PBRM1: variants seen among roughly 807,000 people sequenced by gnomAD.
PBRM1 encodes the protein protein polybromo-1.
Under a neutral mutation model 194.5 loss-of-function variants are expected in PBRM1, and 27 were observed. The observed-to-expected ratio is 0.14, with a 90% CI of 0.10 to 0.19. PBRM1 has a LOEUF of 0.19. PBRM1 is among the 10% of genes least tolerant of loss of function. PBRM1 has a pLI of 1.00. For synonymous variants in PBRM1, 655 were observed against 693.2 expected (o/e 0.94, Z 0.87); for missense variants, 1,466 against 2,077.2 (o/e 0.71, Z 5.72).
chr3:52,587,153 ATAGTG>A (rs1441244366), intron 19 of PBRM1, among the ~76,000 whole-genome samples, 195 bp downstream of exon 21: 1 of 152,216 alleles, frequency 6.6e-6, no homozygotes, highest in Non-Finnish European at 1.5e-5. Flanking sequence ...TTATAGCCAA[ATAGTG>A]TAAGCAGCAA....
rs57736913 is a variant in PBRM1, at chr3:52,591,511, G to GTTTTT, written c.2780-2261_2780-2257dup. Among the ~76,000 whole-genome samples, 342 of 71,874 alleles carry GTTTTT rather than the reference G, an allele frequency of 4.8e-3. 3 individuals are homozygous for GTTTTT. The highest frequency in any genetic ancestry group is 8.2e-3 in the East Asian group (17 of 2,084). 47.2% of individuals were successfully genotyped at this position (71,874 alleles called of 152,430 possible). ...TTGAGATAATGTAGTTTTTGTCTTT[G>GTTTTT]TTTTTTTTTTTTTTTTTTTTTTTTT... On this transcript the variant is annotated intron_variant, in intron 17 of 29. Coordinates refer to ENST00000296302, the Ensembl canonical transcript of PBRM1.
chr3:52,685,890 C>T (rs2097306171), upstream of PBRM1: 5 of 624,622 alleles, frequency 8.0e-6, no homozygotes, highest in Non-Finnish European at 1.4e-5. Flanking sequence ...CCTCCCTTAC[C>T]CCTCCCGGTG....
chr3:52,617,461 C>T (rs1384342266), exon 14 of PBRM1: 1 of 1,613,336 alleles, frequency 6.2e-7, no homozygotes, highest in Non-Finnish European at 8.5e-7. Flanking sequence ...ACAAAGTCTT[C>T]TGCCTGAACC....
chr3:52,650,318 C>A (rs943372009), intron 6 of PBRM1, among the ~76,000 whole-genome samples: 1 of 129,858 alleles, frequency 7.7e-6, no homozygotes, highest in Admixed American at 9.0e-5. Context: ...GAGGTGAGAT[C>A]ATGCCACTGC....
At chr3:52,626,446 A>G (rs1022942471) in intron 13 of PBRM1, among the ~76,000 whole-genome samples, 1 of 152,210 alleles carries the variant, frequency 6.6e-6, no homozygotes, top group African/African-American at 2.4e-5. Flanking sequence ...GTTACTAAAG[A>G]CTTCATTCAA....
intron 21 of PBRM1, 42 bp from the exon 24 acceptor site, chr3:52,576,740 T>C: frequency 5.4e-6 from 8 of 1,474,318 alleles, no homozygotes; most frequent in Non-Finnish European, 7.4e-6. Context: ...AATAGTTTCC[T>C]TCTTGAAGGA....
chr3:52,602,650 C>G (rs1398718588), intron 17 of PBRM1, among the ~76,000 whole-genome samples: 2 of 152,212 alleles, frequency 1.3e-5, no homozygotes, highest in African/African-American at 4.8e-5. Flanking sequence ...TTTTAGCTGG[C>G]AAAGTCATAG....
intron 6 of PBRM1, among the ~76,000 whole-genome samples, chr3:52,651,505 C>A (rs1204761655): frequency 6.6e-6 from 1 of 152,170 alleles, no homozygotes; most frequent in Admixed American, 6.5e-5. Context: ...TGAAATAAAT[C>A]TTTTGTCACA....
intron 9 of PBRM1, among the ~76,000 whole-genome samples, chr3:52,642,982 T>C (rs2096161862): frequency 6.6e-6 from 1 of 152,026 alleles, no homozygotes; most frequent in Non-Finnish European, 1.5e-5. Flanking sequence ...TAGATGGAGT[T>C]TCACCATGTT....
rs377400872 is a variant in PBRM1 at position 52,548,310 on chromosome 3, C to T, written c.4898-75G>A. On this transcript the variant is annotated intron_variant, in intron 29 of 29. Transcript: ENST00000296302. ...AATTTCCCTCAGTTCTAAGGTCTGA[C>T]GAACTTATTAAAACACAAAACATTG... 2.5e-5 allele frequency: 26 copies of T among 1,058,618 alleles called. 1 individual carries two copies. The highest frequency in any genetic ancestry group is 9.9e-5 in the African/African-American group (6 of 60,376). The allele number at this position is 1,058,618 out of a possible 1,614,324, so 65.6% of individuals were successfully genotyped here. A position where few individuals can be genotyped will look rare whatever the true frequency, so the allele number is the denominator to read the frequency against.
Position 52,609,935 on chromosome 3 carries a change from G to T in PBRM1, c.1945C>A (p.Pro649Thr). The change falls in exon 16 of 30, where the codon CCT becomes ACT. Residue 649 changes from proline to threonine, a missense_variant. Around this residue, in one of 5 missense-constraint regions of PBRM1, gnomAD observed 687 missense variants for 946.2 expected, o/e 0.73. Transcript: ENST00000296302. This position sits in a 1 kb window ranked among gnomAD's most constrained non-coding sequence, Gnocchi z 4.1. ...GGAGTCATGTATTTTGATTTTTTAGGAGAAATGCCACTCTTCCTACCTAAA... is the reference window on the plus strand; with the variant it reads ...GGAGTCATGTATTTTGATTTTTTAGTAGAAATGCCACTCTTCCTACCTAAA... 6.6e-7 allele frequency: 1 copy of T among 1,513,096 alleles called. No homozygotes were observed. 93.7% of individuals were successfully genotyped at this position (1,513,096 alleles called of 1,614,324 possible).
At chr3:52,677,053 A>G (rs1334500565) in intron 2 of PBRM1, among the ~76,000 whole-genome samples, 1 of 152,170 alleles carries the variant, frequency 6.6e-6, no homozygotes, top group African/African-American at 2.4e-5. Flanking sequence ...AGCAGAGCAT[A>G]AAAGTTTGGA....
At chr3:52,623,940 T>C (rs765233870) in intron 13 of PBRM1, among the ~76,000 whole-genome samples, 4 of 152,186 alleles carry the variant, frequency 2.6e-5, no homozygotes, top group Non-Finnish European at 4.4e-5. Context: ...AAATTTACCA[T>C]TTAATTAAGA....
intron 18 of PBRM1, among the ~76,000 whole-genome samples, chr3:52,587,893 C>CATAT (rs142949335): frequency 7.3e-5 from 11 of 149,686 alleles, no homozygotes; most frequent in African/African-American, 2.4e-4. Context: ...TTTCCCCCCT[C>CATAT]ATATATATAT....
At chr3:52,600,230 A>G (rs1235853229) in intron 17 of PBRM1, among the ~76,000 whole-genome samples, 2 of 152,146 alleles carry the variant, frequency 1.3e-5, no homozygotes, top group African/African-American at 2.4e-5. Context: ...ATACACTTGG[A>G]AAGTTTTCAT....
At chr3:52,670,106 G>A (rs1367920832) in intron 2 of PBRM1, among the ~76,000 whole-genome samples, 1 of 152,190 alleles carries the variant, frequency 6.6e-6, no homozygotes, top group Non-Finnish European at 1.5e-5. Context: ...CCCCAGCAGT[G>A]TCTCAAGCTA....
chr3:52,680,169 A>G (rs2097178815), upstream of PBRM1, among the ~76,000 whole-genome samples: 1 of 152,154 alleles, frequency 6.6e-6, no homozygotes, highest in African/African-American at 2.4e-5. Context: ...GTGCCTTACA[A>G]TTATGATCAT....
At chr3:52,676,424 T>C (rs1331242624) in intron 2 of PBRM1, among the ~76,000 whole-genome samples, 2 of 151,998 alleles carry the variant, frequency 1.3e-5, no homozygotes, top group African/African-American at 4.8e-5. Context: ...ATCTGATGGG[T>C]TTATTAGGGG....
intron 22 of PBRM1, among the ~76,000 whole-genome samples, chr3:52,567,108 A>G (rs1224062394): frequency 6.6e-6 from 1 of 151,774 alleles, no homozygotes; most frequent in Non-Finnish European, 1.5e-5. Flanking sequence ...GAATTCTATG[A>G]CATATATATA....
Sources: allele counts gnomAD v4.1 joint callset (sites outside exome capture counted in the v4.1 genomes callset), GRCh38; gene constraint gnomAD v4.1.1; regional missense constraint gnomAD v4.1.1; non-coding constraint Gnocchi (gnomAD v3.1); transcripts MANE v1.5; gene names NCBI Gene and HGNC (gene_info 2026-07-23, HGNC 2026-07-21).